Variants in RSRC1 observed in about 807,000 individuals in gnomAD.
RSRC1 encodes the protein serine/Arginine-related protein 53.
Under a neutral mutation model 49.1 loss-of-function variants are expected in RSRC1, and 39 were observed. The ratio of observed to expected loss-of-function variants is 0.79; its 90% CI spans 0.61 to 1.04. The LOEUF is 1.04. Ranked by LOEUF, RSRC1 falls within the 50% of genes least tolerant of loss-of-function variation. The pLI is 0.00. For missense variants in RSRC1, 388 were observed against 402.4 expected (o/e 0.96, Z 0.31); for synonymous variants, 143 against 130.8 (o/e 1.09, Z -0.63).
At chr3:158,123,622 A>G (rs938724714) in intron 2 of RSRC1, among the ~76,000 whole-genome samples, 2 of 152,144 alleles carry the variant, frequency 1.3e-5, no homozygotes, top group African/African-American at 4.8e-5. Flanking sequence ...ATACCATATA[A>G]TCTGATGATA....
intron 6 of RSRC1, among the ~76,000 whole-genome samples, chr3:158,408,525 C>T (rs1183103238): frequency 2.6e-5 from 4 of 151,912 alleles, no homozygotes; most frequent in Admixed American, 1.3e-4. Context: ...AAATAGGCAT[C>T]GCAGAAAAAA....
At chr3:158,481,477 A>G (rs1011501338) in intron 7 of RSRC1, among the ~76,000 whole-genome samples, 6 of 152,136 alleles carry the variant, frequency 3.9e-5, no homozygotes, top group African/African-American at 7.2e-5. Flanking sequence ...ACTATATCAC[A>G]TAACTGGGAA....
At chr3:158,472,839 T>A (rs1283701318) in intron 7 of RSRC1, among the ~76,000 whole-genome samples, 1 of 152,224 alleles carries the variant, frequency 6.6e-6, no homozygotes, top group East Asian at 1.9e-4. Flanking sequence ...AGAAGCTCTT[T>A]AGTTTAATTA....
At chr3:158,292,638 G>A (rs1259743324) in intron 4 of RSRC1, among the ~76,000 whole-genome samples, 1 of 152,162 alleles carries the variant, frequency 6.6e-6, no homozygotes, top group East Asian at 1.9e-4. Flanking sequence ...AAAGAGGACA[G>A]GTTTTATACC....
intron 7 of RSRC1, among the ~76,000 whole-genome samples, chr3:158,467,619 ACAGT>A (rs2108415630): frequency 1.3e-5 from 2 of 152,316 alleles, no homozygotes; most frequent in African/African-American, 4.8e-5. Context: ...CAAAGAACTT[ACAGT>A]CAATTTAGGA....
intron 3 of RSRC1, among the ~76,000 whole-genome samples, chr3:158,133,260 ATTT>A (rs1473052157): frequency 1.3e-5 from 2 of 152,116 alleles, no homozygotes; most frequent in Non-Finnish European, 2.9e-5. Context: ...TTGATTTTCT[ATTT>A]TTATTTTATT....
chr3:158,354,662 A>G (rs1048836773), intron 5 of RSRC1, among the ~76,000 whole-genome samples, 195 bp from the exon 6 acceptor site: 2 of 152,238 alleles, frequency 1.3e-5, no homozygotes, highest in Non-Finnish European at 2.9e-5. Context: ...TTTCTAGGAA[A>G]AAAAAATGAA....
intron 5 of RSRC1, among the ~76,000 whole-genome samples, chr3:158,338,931 A>G (rs1452318821): frequency 6.6e-6 from 1 of 152,222 alleles, no homozygotes; most frequent in Non-Finnish European, 1.5e-5. Context: ...TGAGGTATGT[A>G]AAATGTTTAG....
intron 3 of RSRC1, among the ~76,000 whole-genome samples, chr3:158,196,704 G>A (rs940073813): frequency 3.3e-5 from 5 of 152,140 alleles, no homozygotes; most frequent in Non-Finnish European, 7.3e-5. Context: ...AGAGTTTCTA[G>A]CATGAAGCGT....
rs1736666793 is a variant in RSRC1 at position 158,445,637 on chromosome 3, C to T, written c.584-15298C>T. Among the ~76,000 whole-genome samples the T allele has an allele frequency of 2.0e-5, 3 of 151,776 alleles. 1 individual carries two copies. The highest frequency in any genetic ancestry group is 4.2e-4 in the South Asian group (2 of 4,808). On this transcript the variant is annotated intron_variant, in intron 6 of 9. Transcript: ENST00000611884. Reference sequence around the variant, plus strand: ...CCTGCATGTTGTGCACATGTACCCTCGAACTTATAACAACAACAACAACAA... The same window carrying T: ...CCTGCATGTTGTGCACATGTACCCTTGAACTTATAACAACAACAACAACAA...
chr3:158,532,901 G>A (rs1358109949), intron 7 of RSRC1, among the ~76,000 whole-genome samples: 2 of 151,696 alleles, frequency 1.3e-5, no homozygotes, highest in Non-Finnish European at 3.0e-5. Context: ...TACTGTGTGT[G>A]TTGGGCATTT....
chr3:158,508,045 C>T (rs1164322770), intron 7 of RSRC1, among the ~76,000 whole-genome samples: 1 of 151,784 alleles, frequency 6.6e-6, no homozygotes, highest in Non-Finnish European at 1.5e-5. Flanking sequence ...TGCACTCTAG[C>T]CTAGATAATA....
intron 6 of RSRC1, among the ~76,000 whole-genome samples, chr3:158,355,829 A>G (rs1380949582): frequency 6.6e-6 from 1 of 151,930 alleles, no homozygotes; most frequent in Non-Finnish European, 1.5e-5. Context: ...TGGTGTCTCA[A>G]ACCATGGGTA....
chr3:158,202,942 T>A, intron 3 of RSRC1, 130 bp from the exon 4 acceptor site: 1 of 597,710 alleles, frequency 1.7e-6, no homozygotes, highest in Non-Finnish European at 2.9e-6. Flanking sequence ...GGTGCTTGCT[T>A]CACGTGGTTA....
At chr3:158,159,322 A>C (rs1011450232) in intron 3 of RSRC1, among the ~76,000 whole-genome samples, 12 of 152,348 alleles carry the variant, frequency 7.9e-5, no homozygotes, top group African/African-American at 2.6e-4. Context: ...ATTCCAGAAC[A>C]GAATGTGATG....
At chr3:158,416,076 A>G (rs1382277074) in intron 6 of RSRC1, among the ~76,000 whole-genome samples, 1 of 152,076 alleles carries the variant, frequency 6.6e-6, no homozygotes. Flanking sequence ...TTGTGCTCTC[A>G]AATGTAATGC....
chr3:158,196,806 T>C (rs1391431514), intron 3 of RSRC1, among the ~76,000 whole-genome samples: 1 of 152,232 alleles, frequency 6.6e-6, no homozygotes, highest in Non-Finnish European at 1.5e-5. Flanking sequence ...ATTATGCTTA[T>C]TGATTTGTGT....
intron 5 of RSRC1, among the ~76,000 whole-genome samples, chr3:158,332,136 A>C (rs1729582090): frequency 6.6e-6 from 1 of 152,122 alleles, no homozygotes; most frequent in African/African-American, 2.4e-5. Context: ...ATATATATTT[A>C]TCTTACTTTG....
intron 3 of RSRC1, 91 bp from the exon 4 acceptor site, chr3:158,202,981 A>T (rs1013851347): frequency 3.1e-6 from 3 of 960,406 alleles, no homozygotes; most frequent in Non-Finnish European, 3.0e-6. Context: ...ACTAAAACTA[A>T]GTAGTTTTTT....
Sources: allele counts gnomAD v4.1 joint callset (sites outside exome capture counted in the v4.1 genomes callset), GRCh38; gene constraint gnomAD v4.1.1; transcripts MANE v1.5; gene names NCBI Gene and HGNC (gene_info 2026-07-23, HGNC 2026-07-21).